Variants in JAZF1 observed in about 807,000 individuals in gnomAD.
JAZF1 encodes the protein juxtaposed with another zinc finger protein 1.
Under a neutral mutation model 26.4 loss-of-function variants are expected in JAZF1, and 8 were observed. That is an observed-to-expected ratio of 0.30 (90% CI 0.18 to 0.55). JAZF1 has a LOEUF of 0.55. Ranked by LOEUF, JAZF1 falls within the 20% of genes least tolerant of loss-of-function variation. The probability of loss-of-function intolerance (pLI) is 0.94; values close to 1 mark genes in which losing one functional copy is unlikely to be tolerated. For synonymous variants in JAZF1, 126 were observed against 122.3 expected, an observed-to-expected ratio of 1.03 and a Z score of -0.20; for missense variants, 199 against 322.0, an observed-to-expected ratio of 0.62 and a Z score of 2.92.
chr7:28,134,761 AAT>A (rs905645366), intron 1 of JAZF1, among the ~76,000 whole-genome samples: 22 of 152,132 alleles, frequency 1.4e-4, no homozygotes, highest in African/African-American at 5.3e-4. Flanking sequence ...AGAATTGAAA[AAT>A]ATGTGTATAT....
intron 1 of JAZF1, among the ~76,000 whole-genome samples, chr7:28,129,518 T>A (rs1782755470): frequency 6.6e-6 from 1 of 152,136 alleles, no homozygotes. Context: ...TGGTAACTTT[T>A]CCAGTTTTCA....
intron 1 of JAZF1, among the ~76,000 whole-genome samples, chr7:28,133,718 G>T (rs1294868220): frequency 6.6e-6 from 1 of 152,164 alleles, no homozygotes; most frequent in Non-Finnish European, 1.5e-5. Context: ...TCCTTACTCA[G>T]TGTTCTAGCC....
At chr7:27,904,833 G>A (rs1479728206) in intron 2 of JAZF1, among the ~76,000 whole-genome samples, 1 of 152,224 alleles carries the variant, frequency 6.6e-6, no homozygotes, top group Non-Finnish European at 1.5e-5. Flanking sequence ...TACAATGGTT[G>A]TGGATATAAT....
intron 3 of JAZF1, among the ~76,000 whole-genome samples, chr7:27,890,856 C>G (rs1191315941): frequency 2.9e-5 from 4 of 136,520 alleles, no homozygotes; most frequent in Non-Finnish European, 4.5e-5. Flanking sequence ...GTGGTGCAAT[C>G]TCGGCTCACC....
At chr7:27,959,167 C>G (rs1785149015) in intron 2 of JAZF1, among the ~76,000 whole-genome samples, 1 of 152,216 alleles carries the variant, frequency 6.6e-6, no homozygotes, top group Non-Finnish European at 1.5e-5. Context: ...AGGCCACACA[C>G]AGAGTAAACA....
intron 1 of JAZF1, among the ~76,000 whole-genome samples, chr7:28,108,659 T>C (rs1187893253): frequency 6.6e-6 from 1 of 152,114 alleles, no homozygotes; most frequent in African/African-American, 2.4e-5. Context: ...CTCAAAATAT[T>C]AAAAACAGAA....
At chr7:28,074,565 A>G (rs1158238069) in intron 1 of JAZF1, among the ~76,000 whole-genome samples, 1 of 152,224 alleles carries the variant, frequency 6.6e-6, no homozygotes, top group Non-Finnish European at 1.5e-5. Flanking sequence ...GCTTATTTTT[A>G]TGAAATCAAA....
intron 1 of JAZF1, among the ~76,000 whole-genome samples, chr7:28,018,354 G>A (rs1782937266): frequency 6.6e-6 from 1 of 152,222 alleles, no homozygotes; most frequent in Admixed American, 6.5e-5. Context: ...CCACCGTTGG[G>A]AGTGTGGGTT....
chr7:27,885,628 T>A (rs1783847297), intron 3 of JAZF1, among the ~76,000 whole-genome samples: 1 of 152,222 alleles, frequency 6.6e-6, no homozygotes, highest in Non-Finnish European at 1.5e-5. Context: ...TTCTTGATAG[T>A]GTCCTTTAAA....
At chr7:27,907,207 TC>T (rs1784273821) in intron 2 of JAZF1, among the ~76,000 whole-genome samples, 2 of 152,224 alleles carry the variant, frequency 1.3e-5, no homozygotes, top group Admixed American at 6.5e-5. Context: ...CTTGGGGTCC[TC>T]CTTATAAAAC....
At chr7:28,179,915 G>GC (rs1270915554) in intron 1 of JAZF1, among the ~76,000 whole-genome samples, 1 of 88,244 alleles carries the variant, frequency 1.1e-5, no homozygotes, top group Non-Finnish European at 2.4e-5. Context: ...AGCCACCCCC[G>GC]CCCCCCCGCT....
At chr7:28,089,136 A>G (rs117105926) in intron 1 of JAZF1, among the ~76,000 whole-genome samples, 1 of 152,376 alleles carries the variant, frequency 6.6e-6, no homozygotes, top group Non-Finnish European at 1.5e-5. Flanking sequence ...ATAGTACTGA[A>G]TATTTAAGGA....
At chr7:28,179,482 G>A (rs982926491) in intron 1 of JAZF1, among the ~76,000 whole-genome samples, 8 of 152,002 alleles carry the variant, frequency 5.3e-5, no homozygotes, top group Non-Finnish European at 1.0e-4. Context: ...CCAGGGCGCA[G>A]CCAGCGCACC....
intron 1 of JAZF1, among the ~76,000 whole-genome samples, chr7:28,131,560 C>T (rs1583577116): frequency 6.6e-6 from 1 of 152,140 alleles, no homozygotes; most frequent in South Asian, 2.1e-4. Context: ...AATGAACAGA[C>T]ATTTGGTCCA....
At chr7:27,932,248 T>G (rs1042008215) in intron 2 of JAZF1, among the ~76,000 whole-genome samples, 3 of 152,220 alleles carry the variant, frequency 2.0e-5, no homozygotes, top group Non-Finnish European at 4.4e-5. Context: ...TTCCCCCAAC[T>G]GTTCTCAAGT....
chr7:27,992,004 ATTT>A, intron 1 of JAZF1, 23 bp from the exon 2 acceptor site: 2 of 1,453,550 alleles, frequency 1.4e-6, no homozygotes, highest in Non-Finnish European at 1.9e-6. Flanking sequence ...CACAATTACG[ATTT>A]TTTTTAGATT....
chr7:28,084,958 G>C (rs117544308), intron 1 of JAZF1, among the ~76,000 whole-genome samples: 3,145 of 152,290 alleles, frequency 0.021, 52 homozygotes, highest in Non-Finnish European at 0.032. Context: ...GAGGCAGAGA[G>C]ACCTGGGCTG....
At position 28,020,231 on chromosome 7, in the gene JAZF1, TTAAAG is replaced by T. The variant is rs59833151; in HGVS notation, c.116-28255_116-28251del. 7.0e-3 allele frequency among the ~76,000 whole-genome samples: 1,072 copies of T among 152,310 alleles called. 12 individuals carry two copies. Among genetic ancestry groups the T allele is most frequent in the African/African-American group, 0.024 (1,012 of 41,562 alleles). On this transcript the variant is annotated intron_variant, in intron 1 of 4. Transcript: ENST00000283928. ...GTAACTTATATCCTTTTGCAAATTT[TTAAAG>T]TAGAGTGCTGCGATAACACCAAAAT...
At chr7:28,170,168 A>G (rs1017837931) in intron 1 of JAZF1, among the ~76,000 whole-genome samples, 1 of 152,186 alleles carries the variant, frequency 6.6e-6, no homozygotes, top group Non-Finnish European at 1.5e-5. Flanking sequence ...GTGTGCATGC[A>G]ATCCCAGCTA....
Sources: gnomAD v4.1 joint callset for allele counts (sites outside exome capture counted in the v4.1 genomes callset) on GRCh38, gnomAD v4.1.1 for gene constraint, MANE v1.5 for transcripts, NCBI Gene and HGNC (gene_info 2026-07-23, HGNC 2026-07-21) for gene names.